CX3CR1: variants seen among roughly 807,000 people sequenced by gnomAD.
The protein encoded by CX3CR1 is CX3C chemokine receptor 1.
For synonymous variants in CX3CR1, 168 were observed against 178.5 expected, an observed-to-expected ratio of 0.94 and a Z score of 0.47; for missense variants, 363 against 432.4, an observed-to-expected ratio of 0.84 and a Z score of 1.42.
chr3:39,266,222 GC>G lies in CX3CR1; in HGVS notation c.287del (p.Gly96AlafsTer43). On this transcript the variant is annotated frameshift_variant, in exon 2 of 2. Coordinates refer to ENST00000399220, the MANE Select transcript of CX3CR1 (RefSeq NM_001337.4). LOFTEE classifies it low-confidence loss of function (END_TRUNC). ...TGAATTTGCACATGGCATTGTGGAG[GC>G]CCTTTTCATTTATCAAATAGTGAGT... is the stretch of plus-strand genomic sequence containing the variant. Reference protein sequence around the residue: ...FWTHYLINEKGLHNAMCKFTT... With the variant: ...FWTHYLINEKXLHNAMCKFTT... The G allele has an allele frequency of 6.2e-7, 1 of 1,614,222 alleles. No individual in the cohort carries two copies. The highest frequency in any genetic ancestry group is 8.5e-7 in the Non-Finnish European group (1 of 1,180,052).
chr3:39,268,732 GC>G (rs2040735278), intron 1 of CX3CR1, among the ~76,000 whole-genome samples: 1 of 152,166 alleles, frequency 6.6e-6, no homozygotes, highest in Admixed American at 6.5e-5. Context: ...GTCCTCTCTG[GC>G]TGAGTGATGG....
intron 1 of CX3CR1, among the ~76,000 whole-genome samples, chr3:39,275,926 A>C (rs1238153752): frequency 2.0e-5 from 3 of 151,942 alleles, no homozygotes; most frequent in Non-Finnish European, 4.4e-5. Context: ...TATCACAAAA[A>C]AAAAAAAAAA....
At chr3:39,290,370 G>C in the CX3CR1 span, among the ~76,000 whole-genome samples, 1 of 152,194 alleles carries the variant, frequency 6.6e-6, no homozygotes, top group South Asian at 2.1e-4. Flanking sequence ...TGTGGTTGTG[G>C]AGTGGTCTTC....
At chr3:39,290,301 C>A in the CX3CR1 span, among the ~76,000 whole-genome samples, 1 of 152,142 alleles carries the variant, frequency 6.6e-6, no homozygotes, top group Non-Finnish European at 1.5e-5. Flanking sequence ...GGGCTAGAGT[C>A]ATCATTGCTA....
intron 1 of CX3CR1, among the ~76,000 whole-genome samples, chr3:39,278,392 G>C (rs2669842): frequency 0.97 from 148,230 of 152,234 alleles, 72,272 homozygotes; most frequent in East Asian, 1. Flanking sequence ...TCATTCCCAG[G>C]GGTTTTGAAC....
chr3:39,283,800 TATA>T (rs1252648584), upstream of CX3CR1, among the ~76,000 whole-genome samples: 6 of 30,624 alleles, frequency 2.0e-4, no homozygotes, highest in African/African-American at 7.3e-4. Flanking sequence ...AAAAATTATA[TATA>T]TATATATATA....
At position 39,277,751 on chromosome 3, in the gene CX3CR1, G is replaced by A. The variant is rs1394569194; in HGVS notation, c.-10+2203C>T. Among the ~76,000 whole-genome samples the A allele has an allele frequency of 2.0e-5, 3 of 152,170 alleles. No homozygotes were observed. In the South Asian group the frequency reaches 6.2e-4, roughly 32 times the overall value. ...GGGGTGAGGAAGGGGATAGACGATC[G>A]TCCTGACTGGGTCAGCTCTAATACG... On this transcript the variant is annotated intron_variant, in intron 1 of 1. Coordinates refer to ENST00000399220, the MANE Select transcript of CX3CR1 (RefSeq NM_001337.4).
the CX3CR1 span, among the ~76,000 whole-genome samples, chr3:39,292,026 C>T: frequency 6.6e-6 from 1 of 152,194 alleles, no homozygotes; most frequent in Non-Finnish European, 1.5e-5. Context: ...AGCTTAGGGG[C>T]GCCCCCTTGT....
intron 1 of CX3CR1, among the ~76,000 whole-genome samples, chr3:39,275,983 G>C (rs983749590): frequency 2.0e-5 from 3 of 152,092 alleles, no homozygotes; most frequent in African/African-American, 7.2e-5. Context: ...AAGTCTTCCA[G>C]GTTGACCAAG....
chr3:39,277,624 G>A (rs2040854074), intron 1 of CX3CR1, among the ~76,000 whole-genome samples: 1 of 152,194 alleles, frequency 6.6e-6, no homozygotes, highest in Non-Finnish European at 1.5e-5. Flanking sequence ...CCAAGAAGGA[G>A]GTTTTTTGAG....
chr3:39,284,780 G>T (rs560873823), upstream of CX3CR1, among the ~76,000 whole-genome samples: 2 of 152,338 alleles, frequency 1.3e-5, no homozygotes, highest in South Asian at 4.1e-4. Context: ...CTGAAAAAGG[G>T]TCAAGTCAGG....
upstream of CX3CR1, chr3:39,281,304 A>G (rs541487866): frequency 1.1e-4 from 116 of 1,095,096 alleles, no homozygotes; most frequent in African/African-American, 1.7e-3. Context: ...CCACTTTCTG[A>G]CACTGGCCCC....
Position 39,266,460 on chromosome 3 carries a change from A to C in CX3CR1, c.50T>G (p.Leu17Trp). Reference protein sequence around the residue: ...SVTENFEYDDLAEACYIGDIV... With the variant: ...SVTENFEYDDWAEACYIGDIV... ...GTCCCCAATATAACAGGCCTCAGCC[A>C]AATCATCGTACTCAAAGTTTTCTGT... The change falls in exon 2 of 2, where the codon TTG (leucine) becomes TGG (tryptophan). Residue 17 changes from leucine (L) to tryptophan (W), a missense_variant. By Grantham distance (61) the Leu-to-Trp change is moderately conservative. Transcript: ENST00000399220. The C allele has an allele frequency of 6.2e-7, 1 of 1,614,184 alleles. No homozygotes were observed.
At chr3:39,284,475 C>T (rs998155476), upstream of CX3CR1, among the ~76,000 whole-genome samples, 3 of 152,114 alleles carry the variant, frequency 2.0e-5, no homozygotes, top group African/African-American at 7.2e-5. Flanking sequence ...AAACCCTTGT[C>T]TAAGGTCTTA....
the CX3CR1 span, among the ~76,000 whole-genome samples, chr3:39,291,416 G>A: frequency 1.5e-4 from 22 of 149,808 alleles, no homozygotes; most frequent in African/African-American, 5.1e-4. Context: ...ATTCAGTCAT[G>A]TGACCATACA....
upstream of CX3CR1, among the ~76,000 whole-genome samples, chr3:39,283,031 A>G (rs549009232): frequency 6.6e-6 from 1 of 152,230 alleles, no homozygotes; most frequent in East Asian, 1.9e-4. Context: ...AGCTGGAACT[A>G]CAGGCACACA....
At chr3:39,273,212 T>C (rs943371143) in intron 1 of CX3CR1, among the ~76,000 whole-genome samples, 2 of 152,256 alleles carry the variant, frequency 1.3e-5, no homozygotes, top group African/African-American at 4.8e-5. Context: ...TCTGAATTCG[T>C]TGGGGTTCTC....
chr3:39,278,827 C>T (rs1442494130), intron 1 of CX3CR1, among the ~76,000 whole-genome samples: 3 of 151,980 alleles, frequency 2.0e-5, no homozygotes, highest in Non-Finnish European at 4.4e-5. Flanking sequence ...TCAGCTGGGG[C>T]CTCTGATGGA....
At chr3:39,290,420 A>T in the CX3CR1 span, among the ~76,000 whole-genome samples, 2 of 152,226 alleles carry the variant, frequency 1.3e-5, no homozygotes, top group East Asian at 3.8e-4. Context: ...GTGTGGGAAC[A>T]TCACAGTCTG....
Sources: gnomAD v4.1 joint callset for allele counts (sites outside exome capture counted in the v4.1 genomes callset) on GRCh38, gnomAD v4.1.1 for gene constraint, MANE v1.5 for transcripts, NCBI Gene and HGNC (gene_info 2026-07-23, HGNC 2026-07-21) for gene names.